The following RFTN1 variants were observed in gnomAD, a reference collection of about 807,000 sequenced individuals.
RFTN1 encodes the protein raftlin, lipid raft linker 1.
In RFTN1, 26 loss-of-function variants were observed where a neutral mutation model predicts 46.5. The ratio of observed to expected loss-of-function variants is 0.56; its 90% CI spans 0.41 to 0.78. The LOEUF is 0.78. Among genes scored for constraint, RFTN1 ranks in the 30% least tolerant of loss-of-function variants. RFTN1 has a pLI of 0.00. For synonymous variants in RFTN1, 261 were observed against 284.2 expected (o/e 0.92, Z 0.82); for missense variants, 693 against 718.7 (o/e 0.96, Z 0.41).
At chr3:16,436,985 T>C (rs1034662383) in intron 2 of RFTN1, among the ~76,000 whole-genome samples, 1 of 152,240 alleles carries the variant, frequency 6.6e-6, no homozygotes, top group African/African-American at 2.4e-5. Context: ...TTGGGTCATG[T>C]TCAAATCATA....
chr3:16,369,088 T>A (rs1304130140), intron 6 of RFTN1, among the ~76,000 whole-genome samples: 1 of 152,238 alleles, frequency 6.6e-6, no homozygotes, highest in Admixed American at 6.5e-5. Context: ...CATCCAAAAT[T>A]AAGAGCTGTC....
chr3:16,461,898 T>C (rs530715216), intron 2 of RFTN1, among the ~76,000 whole-genome samples: 1 of 152,226 alleles, frequency 6.6e-6, no homozygotes, highest in Non-Finnish European at 1.5e-5. Context: ...ATCTGGCAGA[T>C]TAAAATTTGT....
rs1186161853 is a variant in RFTN1 at position 16,326,710 on chromosome 3, A to G, written c.1250+63T>C. On this transcript the variant is annotated intron_variant, in intron 8 of 9. Transcript: ENST00000334133. The stretch of plus-strand genomic sequence containing the variant: ...AATTTATAGACGTGAGGTGCTCATT[A>G]GGAACAGTGACTAGCACAGAGTAAG... 3.2e-6 allele frequency: 4 copies of G among 1,262,946 alleles called. No individual in the cohort carries two copies. The Admixed American group carries it at 5.3e-5, about 17-fold the overall frequency. 78.2% of individuals were successfully genotyped at this position (1,262,946 alleles called of 1,614,324 possible).
intron 2 of RFTN1, among the ~76,000 whole-genome samples, chr3:16,455,109 C>T (rs2075883472): frequency 1.3e-5 from 2 of 152,168 alleles, no homozygotes; most frequent in South Asian, 4.1e-4. Flanking sequence ...TGTCTCCACG[C>T]CATAAACACC....
rs1395401123 is a variant in RFTN1 at position 16,387,602 on chromosome 3, CTCTCTCTCTA to C, written c.442-9510_442-9501del. On this transcript the variant is annotated intron_variant, in intron 4 of 9. Transcript: ENST00000334133. This position sits in a 1 kb window ranked among gnomAD's most constrained non-coding sequence, Gnocchi z 5.2. ...TCTCTCTCTCTCTCTCTCTCTCTCT[CTCTCTCTCTA>C]CTGGCTCCTTCCACTCAGCATACAA... Among the ~76,000 whole-genome samples, 2 of 149,968 alleles carry C rather than the reference CTCTCTCTCTA, an allele frequency of 1.3e-5. No individual in the cohort carries two copies. Among genetic ancestry groups the C allele is most frequent in the African/African-American group, 4.9e-5 (2 of 40,604 alleles).
intron 2 of RFTN1, among the ~76,000 whole-genome samples, chr3:16,478,289 C>A (rs1038374263): frequency 2.9e-4 from 44 of 152,192 alleles, no homozygotes; most frequent in African/African-American, 1.1e-3. Context: ...CTCTTTCTAG[C>A]TAATCTTCCT....
chr3:16,427,815 A>G lies in RFTN1; in HGVS notation c.332+6036T>C, dbSNP rs17272502. On this transcript the variant is annotated intron_variant, in intron 3 of 9. Coordinates refer to ENST00000334133, the MANE Select transcript of RFTN1 (RefSeq NM_015150.2). The surrounding 1 kb of genome is among the most constrained non-coding windows in gnomAD (Gnocchi z 5.4). ...CTCCCACTGTTTCTCTTTGGACACC[A>G]CGTTCCACTTGTTCCACAATGTCAA... 0.071 allele frequency among the ~76,000 whole-genome samples: 10,767 copies of G among 152,134 alleles called. 495 individuals are homozygous for G. The highest frequency in any genetic ancestry group is 0.13 in the Middle Eastern group (39 of 292).
Position 16,457,602 on chromosome 3 carries a change from G to C in RFTN1, c.146-23565C>G, listed in dbSNP as rs1386434289. Among the ~76,000 whole-genome samples the C allele has an allele frequency of 6.6e-6, 1 of 152,168 alleles. No homozygotes were observed. Among genetic ancestry groups the C allele is most frequent in the Non-Finnish European group, 1.5e-5 (1 of 68,028 alleles). On this transcript the variant is annotated intron_variant, in intron 2 of 9. Coordinates refer to ENST00000334133, the MANE Select transcript of RFTN1 (RefSeq NM_015150.2). This position sits in a 1 kb window ranked among gnomAD's most constrained non-coding sequence, Gnocchi z 4.2. ...ACTTATTTAGTTCTGTAAATTTTAA[G>C]TAATAAAATTTTAGTTTTTTGTTTC...
chr3:16,328,349 A>G (rs1371659571), intron 7 of RFTN1, among the ~76,000 whole-genome samples: 1 of 152,242 alleles, frequency 6.6e-6, no homozygotes, highest in African/African-American at 2.4e-5. Flanking sequence ...GAAGGTGGCC[A>G]CGTGTGGTGA....
At chr3:16,476,100 C>T (rs1273055762) in intron 2 of RFTN1, among the ~76,000 whole-genome samples, 4 of 152,196 alleles carry the variant, frequency 2.6e-5, no homozygotes, top group Non-Finnish European at 5.9e-5. Context: ...TCTTTCTGAT[C>T]CAAGTCTGAC....
chr3:16,320,793 T>C lies in RFTN1; in HGVS notation c.1332+2583A>G, dbSNP rs842421. On this transcript the variant is annotated intron_variant, in intron 9 of 9. Transcript: ENST00000334133. The surrounding 1 kb of genome is among the most constrained non-coding windows in gnomAD (Gnocchi z 4.5). ...GAGAATGGGAGGCTGGCAGAGGAGG[T>C]AAGAGGGACCAGATCCCTTGGGGCC... is the stretch of plus-strand genomic sequence containing the variant. Among the ~76,000 whole-genome samples, 72,131 of 151,930 alleles carry C rather than the reference T, an allele frequency of 0.47. 17,502 individuals are homozygous for C. The highest frequency in any genetic ancestry group is 0.52 in the Non-Finnish European group (35,532 of 67,920).
chr3:16,379,753 T>G lies in RFTN1; in HGVS notation c.442-1651A>C, dbSNP rs1195155026. On this transcript the variant is annotated intron_variant, in intron 4 of 9. Coordinates refer to ENST00000334133, the MANE Select transcript of RFTN1 (RefSeq NM_015150.2). ...AAAGCCATCTATTCCATTCTGAAAA[T>G]TTTTTCCCTCATTAATCTATGATAT... Among the ~76,000 whole-genome samples, 8 of 152,218 alleles carry G rather than the reference T, an allele frequency of 5.3e-5. No individual in the cohort carries two copies. In the East Asian group the frequency reaches 5.8e-4, roughly 11 times the overall value.
At chr3:16,439,876 A>G (rs1186347686) in intron 2 of RFTN1, among the ~76,000 whole-genome samples, 1 of 152,076 alleles carries the variant, frequency 6.6e-6, no homozygotes. Flanking sequence ...TGGGAGAGAA[A>G]ACTAACGTTT....
rs568879975 is a variant in RFTN1 at position 16,427,130 on chromosome 3, G to A, written c.332+6721C>T. Among the ~76,000 whole-genome samples, 20 of 152,310 alleles carry A rather than the reference G, an allele frequency of 1.3e-4. No individual in the cohort carries two copies. The highest frequency in any genetic ancestry group is 4.8e-4 in the African/African-American group (20 of 41,560). On this transcript the variant is annotated intron_variant, in intron 3 of 9. Transcript: ENST00000334133. This position sits in a 1 kb window ranked among gnomAD's most constrained non-coding sequence, Gnocchi z 5.4. Reference sequence around the variant, plus strand: ...ATGGCAGCCAGTGGCATGGGTTAGGGACAAACAATCCTACTTTGGAAAAGT... The same window carrying A: ...ATGGCAGCCAGTGGCATGGGTTAGGAACAAACAATCCTACTTTGGAAAAGT...
intron 3 of RFTN1, among the ~76,000 whole-genome samples, chr3:16,430,417 G>GT (rs747616306): frequency 6.6e-6 from 1 of 152,014 alleles, no homozygotes; most frequent in East Asian, 1.9e-4. Flanking sequence ...TGGCCTTGAT[G>GT]TTTTTTTGTT....
intron 4 of RFTN1, among the ~76,000 whole-genome samples, chr3:16,394,717 A>G (rs1464367587): frequency 7.2e-6 from 1 of 139,372 alleles, no homozygotes; most frequent in Non-Finnish European, 1.5e-5. Context: ...TGTTATTTTC[A>G]ATAAAAAGAG....
rs542379152 is a variant in RFTN1 at position 16,458,107 on chromosome 3, T to C, written c.146-24070A>G. ...CCAGAACTGTGAGCAAAAAAAAATC[T>C]TTGTTCTTTATAAACTACCCAGTCT... On this transcript the variant is annotated intron_variant, in intron 2 of 9. Coordinates refer to ENST00000334133, the MANE Select transcript of RFTN1 (RefSeq NM_015150.2). This position sits in a 1 kb window ranked among gnomAD's most constrained non-coding sequence, Gnocchi z 5.1. Among the ~76,000 whole-genome samples, 1 of 152,272 alleles carries C rather than the reference T, an allele frequency of 6.6e-6. No homozygotes were observed. The highest frequency in any genetic ancestry group is 2.1e-4 in the South Asian group (1 of 4,816).
Position 16,345,831 on chromosome 3 carries a change from C to T in RFTN1, c.1146+12101G>A, listed in dbSNP as rs879727087. 0.1 allele frequency among the ~76,000 whole-genome samples: 6,568 copies of T among 63,516 alleles called. 233 individuals carry two copies. Among genetic ancestry groups the T allele is most frequent in the Middle Eastern group, 0.17 (19 of 112 alleles). The allele number at this position is 63,516 out of a possible 152,430, so 41.7% of individuals were successfully genotyped here. A position where few individuals can be genotyped will look rare whatever the true frequency, so the allele number is the denominator to read the frequency against. On this transcript the variant is annotated intron_variant, in intron 7 of 9. Transcript: ENST00000334133. The surrounding 1 kb of genome is among the most constrained non-coding windows in gnomAD (Gnocchi z 5.2). ...GTGTGTGTGTGTGCGCGCGCGCGTGCGCGCACGCGCACATGTGCATGTGTA... is the reference window on the plus strand; with the variant it reads ...GTGTGTGTGTGTGCGCGCGCGCGTGTGCGCACGCGCACATGTGCATGTGTA...
At chr3:16,463,828 T>C (rs752564692) in intron 2 of RFTN1, among the ~76,000 whole-genome samples, 34 of 152,170 alleles carry the variant, frequency 2.2e-4, no homozygotes, top group Non-Finnish European at 4.7e-4. Flanking sequence ...TCCTTTCTTC[T>C]GTCAGGAAAA....
Sources: allele counts gnomAD v4.1 joint callset (sites outside exome capture counted in the v4.1 genomes callset), GRCh38; gene constraint gnomAD v4.1.1; non-coding constraint Gnocchi (gnomAD v3.1); transcripts MANE v1.5; gene names NCBI Gene and HGNC (gene_info 2026-07-23, HGNC 2026-07-21).